COL4A5: variants seen among roughly 807,000 people sequenced by gnomAD.
The protein encoded by COL4A5 is collagen alpha-5(IV) chain.
Under a neutral mutation model 130.2 loss-of-function variants are expected in COL4A5, and 26 were observed. The observed-to-expected ratio is 0.20, with a 90% CI of 0.15 to 0.28. COL4A5 has a LOEUF of 0.28. COL4A5 is among the 10% of genes least tolerant of loss of function. The pLI is 1.00. For synonymous variants in COL4A5, 496 were observed against 439.6 expected, an observed-to-expected ratio of 1.13 and a Z score of -1.60; for missense variants, 1,131 against 1,344.3, an observed-to-expected ratio of 0.84 and a Z score of 2.48.
At chrX:108,527,483 A>G (rs969449355) in intron 1 of COL4A5, among the ~76,000 whole-genome samples, 12 of 111,819 alleles carry the variant, frequency 1.1e-4, no homozygotes, top group Non-Finnish European at 1.1e-4. Context: ...TTTCAATTCT[A>G]TATTTTAAAT....
Position 108,655,475 on chromosome X carries a change from A to G in COL4A5, c.3373+18A>G. 1 of 1,209,549 alleles carries G rather than the reference A, an allele frequency of 8.3e-7. No homozygotes were observed. The highest frequency in any genetic ancestry group is 1.8e-5 in the South Asian group (1 of 56,967). ...ATTCCCAGGTAAAATTTCTTCTCTTAAATGCTTCCTTCTTTCCTTCCTTAT... is the reference window on the plus strand; with the variant it reads ...ATTCCCAGGTAAAATTTCTTCTCTTGAATGCTTCCTTCTTTCCTTCCTTAT... On this transcript the variant is annotated intron_variant, in intron 37 of 52. Transcript: ENST00000328300.
chrX:108,514,596 T>C lies in COL4A5; in HGVS notation c.82-25150T>C, dbSNP rs191427630. Among the ~76,000 whole-genome samples the C allele has an allele frequency of 1.8e-5, 2 of 112,084 alleles. 1 individual carries two copies. The highest frequency in any genetic ancestry group is 1.9e-4 in the Admixed American group (2 of 10,543). On this transcript the variant is annotated intron_variant, in intron 1 of 52. Transcript: ENST00000328300. ...CAGAGTGGAAAGATGAGGAAAGAGA[T>C]AAAAGAAATATTTGTGGTATAACGT... is the stretch of plus-strand genomic sequence containing the variant.
At chrX:108,455,095 C>T (rs1286736145) in intron 1 of COL4A5, among the ~76,000 whole-genome samples, 2 of 111,865 alleles carry the variant, frequency 1.8e-5, no homozygotes, top group Non-Finnish European at 3.8e-5. Context: ...CCCTCCCTTC[C>T]TACCCCCATC....
chrX:108,521,539 A>T (rs2065265210), intron 1 of COL4A5, among the ~76,000 whole-genome samples: 1 of 111,155 alleles, frequency 9.0e-6, no homozygotes, highest in South Asian at 3.8e-4. Flanking sequence ...TTCTTCTATA[A>T]CCTATTGCAC....
intron 1 of COL4A5, among the ~76,000 whole-genome samples, chrX:108,473,633 A>ATTTTTTTTTTTTTT (rs1203616884): frequency 5.5e-4 from 19 of 34,558 alleles, no homozygotes; most frequent in African/African-American, 2.0e-3. Flanking sequence ...ATATATATAT[A>ATTTTTTTTTTTTTT]TTTTTTTTTT....
At chrX:108,653,372 GT>G (rs371309801) in intron 36 of COL4A5, among the ~76,000 whole-genome samples, 36 of 106,013 alleles carry the variant, frequency 3.4e-4, no homozygotes, top group African/African-American at 9.9e-4. Flanking sequence ...ATACTGTGTG[GT>G]TTTTTTTTTC....
intron 28 of COL4A5, 63 bp downstream of exon 28, chrX:108,603,124 G>C (rs1403912159): frequency 1.3e-6 from 1 of 741,620 alleles, no homozygotes; most frequent in Non-Finnish European, 2.0e-6. Flanking sequence ...CTTATTTCTA[G>C]CTCTCTATTT....
intron 37 of COL4A5, among the ~76,000 whole-genome samples, chrX:108,664,456 C>G (rs1423861221): frequency 1.8e-5 from 2 of 111,489 alleles, no homozygotes; most frequent in East Asian, 5.6e-4. Flanking sequence ...AAAGCTAAAA[C>G]CATAATGCTT....
intron 1 of COL4A5, among the ~76,000 whole-genome samples, chrX:108,528,408 G>T (rs980339965): frequency 1.8e-5 from 2 of 112,478 alleles, no homozygotes; most frequent in African/African-American, 3.2e-5. Context: ...AAAATAGGAA[G>T]AAATGATTGT....
At chrX:108,684,065 A>G (rs2068493181) in intron 47 of COL4A5, among the ~76,000 whole-genome samples, 2 of 111,724 alleles carry the variant, frequency 1.8e-5, no homozygotes, top group African/African-American at 3.3e-5. Flanking sequence ...TTTGAAACCA[A>G]TGAGAACAAA....
chrX:108,539,921 C>A, intron 2 of COL4A5, 116 bp downstream of exon 2: 1 of 572,571 alleles, frequency 1.7e-6, no homozygotes, highest in Non-Finnish European at 2.9e-6. Context: ...TGAAATGAAT[C>A]CTATTGCATT....
chrX:108,681,905 T>A lies in COL4A5; in HGVS notation c.4216+17T>A, dbSNP rs780015519. On this transcript the variant is annotated intron_variant, in intron 47 of 52. Coordinates refer to ENST00000328300, the MANE Select transcript of COL4A5 (RefSeq NM_033380.3). Reference sequence around the variant, plus strand: ...GCTTACCAGGTACCAATGCAGATCATCTTTATTATCATTATTATACTTTTA... The same window carrying A: ...GCTTACCAGGTACCAATGCAGATCAACTTTATTATCATTATTATACTTTTA... 1 of 1,190,575 alleles carries A rather than the reference T, an allele frequency of 8.4e-7. No individual in the cohort carries two copies. Among genetic ancestry groups the A allele is most frequent in the South Asian group, 1.8e-5 (1 of 56,230 alleles).
At chrX:108,674,691 G>A in intron 42 of COL4A5, 54 bp from the exon 43 acceptor site, 2 of 1,157,070 alleles carry the variant, frequency 1.7e-6, no homozygotes, top group Non-Finnish European at 2.3e-6. Context: ...ACTGTGTGAT[G>A]TCTGATACTG....
At chrX:108,696,191 G>A in intron 52 of COL4A5, 106 bp from the exon 53 acceptor site, 2 of 640,922 alleles carry the variant, frequency 3.1e-6, no homozygotes, top group South Asian at 4.5e-5. Context: ...AAGTCACCAA[G>A]AGAGCTACTT....
At chrX:108,493,089 T>C (rs2065006294) in intron 1 of COL4A5, among the ~76,000 whole-genome samples, 1 of 111,897 alleles carries the variant, frequency 8.9e-6, no homozygotes, top group South Asian at 3.7e-4. Context: ...TGTATAGCTA[T>C]ATTAAAAAAT....
intron 2 of COL4A5, among the ~76,000 whole-genome samples, chrX:108,557,050 C>T (rs1479814017): frequency 9.0e-6 from 1 of 111,578 alleles, no homozygotes; most frequent in Non-Finnish European, 1.9e-5. Flanking sequence ...CCTCTCTTAT[C>T]TGTAGGCGAG....
intron 48 of COL4A5, among the ~76,000 whole-genome samples, chrX:108,686,377 C>A: frequency 8.9e-6 from 1 of 112,429 alleles, no homozygotes; most frequent in Middle Eastern, 4.6e-3. Context: ...TCCAAGCACT[C>A]ACTGTACTTA....
intron 36 of COL4A5, among the ~76,000 whole-genome samples, chrX:108,639,850 C>T (rs1425651034): frequency 9.0e-6 from 1 of 111,635 alleles, no homozygotes; most frequent in Admixed American, 9.5e-5. Context: ...CACTTCATAC[C>T]CATTAAGAAG....
chrX:108,596,864 G>A lies in COL4A5; in HGVS notation c.1517-134G>A, dbSNP rs540856560. 419 of 579,597 alleles carry A rather than the reference G, an allele frequency of 7.2e-4. 1 individual carries two copies. In the South Asian group the frequency reaches 0.01, roughly 14 times the overall value. 47.8% of individuals were successfully genotyped at this position (579,597 alleles called of 1,213,427 possible). Reference sequence around the variant, plus strand: ...GGAAAATACAAATGTGACTTAAATGGGATTGAATGGGGTTCTTATTTTAAA... The same window carrying A: ...GGAAAATACAAATGTGACTTAAATGAGATTGAATGGGGTTCTTATTTTAAA... On this transcript the variant is annotated intron_variant, in intron 22 of 52. Coordinates refer to ENST00000328300, the MANE Select transcript of COL4A5 (RefSeq NM_033380.3).
Sources: allele counts gnomAD v4.1 joint callset (sites outside exome capture counted in the v4.1 genomes callset), GRCh38; gene constraint gnomAD v4.1.1; transcripts MANE v1.5; gene names NCBI Gene and HGNC (gene_info 2026-07-23, HGNC 2026-07-21).